The following TMEM132B variants were observed in gnomAD, a reference collection of about 807,000 sequenced individuals.
The protein encoded by TMEM132B is transmembrane protein 132B.
TMEM132B carries 18 observed loss-of-function variants against 90.8 expected under a neutral mutation model. The ratio of observed to expected loss-of-function variants is 0.20; its 90% confidence interval spans 0.14 to 0.29. TMEM132B has a LOEUF of 0.29. TMEM132B is among the 10% of genes least tolerant of loss of function. The pLI, the probability that TMEM132B is intolerant of heterozygous loss-of-function variation, is 1.00. For missense variants in TMEM132B, 1,096 were observed against 1,326.8 expected (o/e 0.83, Z 2.70); for synonymous variants, 504 against 523.3 (o/e 0.96, Z 0.50).
intron 2 of TMEM132B, among the ~76,000 whole-genome samples, chr12:125,367,707 C>T (rs1038609687): frequency 1.3e-5 from 2 of 152,154 alleles, no homozygotes; most frequent in African/African-American, 4.8e-5. Flanking sequence ...TATGGACTCC[C>T]CTCCATGATC....
chr12:125,628,906 G>A (rs1469381401), intron 5 of TMEM132B, among the ~76,000 whole-genome samples: 2 of 152,094 alleles, frequency 1.3e-5, no homozygotes, highest in Non-Finnish European at 2.9e-5. Context: ...TGAAGAGACT[G>A]CTTTTTCCCC....
At chr12:125,525,052 C>T (rs530175258) in intron 4 of TMEM132B, among the ~76,000 whole-genome samples, 9 of 151,902 alleles carry the variant, frequency 5.9e-5, no homozygotes, top group South Asian at 2.1e-4. Context: ...AGAGCATGGG[C>T]GCTTAGAGGG....
chr12:125,446,957 G>A (rs1332913025), intron 3 of TMEM132B, among the ~76,000 whole-genome samples: 1 of 152,128 alleles, frequency 6.6e-6, no homozygotes, highest in African/African-American at 2.4e-5. Flanking sequence ...ATCTTTTGTT[G>A]CTTTGAAGTG....
At chr12:125,567,280 C>A (rs985836062) in intron 4 of TMEM132B, among the ~76,000 whole-genome samples, 1 of 152,172 alleles carries the variant, frequency 6.6e-6, no homozygotes, top group African/African-American at 2.4e-5. Context: ...CTCTATATCT[C>A]TCTCTCGCTG....
In TMEM132B at chr12:125,243,120, TATACAC is replaced by T. The variant is rs1313267200; in HGVS notation, c.67+56256_67+56261del. Among the ~76,000 whole-genome samples, 4 of 141,996 alleles carry T rather than the reference TATACAC, an allele frequency of 2.8e-5. No individual in the cohort carries two copies. The East Asian group carries it at 8.3e-4, about 29-fold the overall frequency. The allele number at this position is 141,996 out of a possible 152,430, so 93.2% of individuals were successfully genotyped here. A position where few individuals can be genotyped will look rare whatever the true frequency, so the allele number is the denominator to read the frequency against. ...ACATATATATATACACATATATATA[TATACAC>T]ACACACACACATATATATATATATA... On this transcript the variant is annotated intron_variant, in intron 1 of 8. Transcript: ENST00000682704.
chr12:125,418,478 C>T (rs1209247612), intron 3 of TMEM132B, among the ~76,000 whole-genome samples: 1 of 152,158 alleles, frequency 6.6e-6, no homozygotes, highest in African/African-American at 2.4e-5. Context: ...TCGCAAAATC[C>T]ATTCCATCAT....
At chr12:125,526,047 G>A (rs1883447330) in intron 4 of TMEM132B, among the ~76,000 whole-genome samples, 1 of 152,176 alleles carries the variant, frequency 6.6e-6, no homozygotes, top group Non-Finnish European at 1.5e-5. Flanking sequence ...AGGTGTCACT[G>A]TGAGAGGAGC....
intron 2 of TMEM132B, among the ~76,000 whole-genome samples, chr12:125,379,947 A>G (rs1049329824): frequency 2.0e-5 from 3 of 151,620 alleles, no homozygotes; most frequent in Non-Finnish European, 2.9e-5. Context: ...GTGAACTTCT[A>G]TTTTGCTCCT....
In TMEM132B at chr12:125,652,375, C is replaced by A. The variant is rs192033056; in HGVS notation, c.1915-66C>A. 1.1e-4 allele frequency: 154 copies of A among 1,447,134 alleles called. No homozygotes were observed. The African/African-American group carries it at 2.0e-3, about 19-fold the overall frequency. The allele number at this position is 1,447,134 out of a possible 1,614,324, so 89.6% of individuals were successfully genotyped here. ...CTGGGAGAGCACTTTGTTGGGAGCC[C>A]CAGTTAAGGGATTCATGGTGCTCAT... is the stretch of plus-strand genomic sequence containing the variant. On this transcript the variant is annotated intron_variant, in intron 7 of 8. Coordinates refer to ENST00000682704, the MANE Select transcript of TMEM132B (RefSeq NM_001366854.1).
At chr12:125,412,323 G>T (rs1337392944) in intron 2 of TMEM132B, among the ~76,000 whole-genome samples, 1 of 152,234 alleles carries the variant, frequency 6.6e-6, no homozygotes, top group Non-Finnish European at 1.5e-5. Flanking sequence ...CTCTAAGACT[G>T]AAGGGAGAGG....
chr12:125,411,277 G>A (rs911119432), intron 2 of TMEM132B, among the ~76,000 whole-genome samples: 5 of 150,620 alleles, frequency 3.3e-5, no homozygotes, highest in African/African-American at 4.9e-5. Context: ...ACCAAACACC[G>A]CGTGTTCTCA....
intron 3 of TMEM132B, among the ~76,000 whole-genome samples, chr12:125,419,403 A>C (rs1395725515): frequency 6.6e-6 from 1 of 152,208 alleles, no homozygotes; most frequent in Non-Finnish European, 1.5e-5. Flanking sequence ...ATAAGGAGCA[A>C]AGTCACATCT....
chr12:125,306,889 A>G (rs1281722458), intron 1 of TMEM132B, among the ~76,000 whole-genome samples: 1 of 152,196 alleles, frequency 6.6e-6, no homozygotes, highest in South Asian at 2.1e-4. Flanking sequence ...CATTACCTCT[A>G]TGACTTCCTG....
intron 2 of TMEM132B, among the ~76,000 whole-genome samples, chr12:125,390,876 C>CT (rs1267015367): frequency 6.6e-6 from 1 of 152,128 alleles, no homozygotes; most frequent in East Asian, 1.9e-4. Flanking sequence ...ATTCTTGAAA[C>CT]TTTAAGAGGA....
intron 5 of TMEM132B, among the ~76,000 whole-genome samples, chr12:125,612,119 C>T (rs61103301): frequency 0.011 from 1,721 of 152,140 alleles, 29 homozygotes; most frequent in African/African-American, 0.039. Flanking sequence ...ATTGTTATTT[C>T]TTCCTAATAT....
In TMEM132B at chr12:125,497,822, G is replaced by C. The variant is rs150581136; in HGVS notation, c.1107-21617G>C. 2.8e-3 allele frequency among the ~76,000 whole-genome samples: 423 copies of C among 152,276 alleles called. 1 individual carries two copies. Among genetic ancestry groups the C allele is most frequent in the African/African-American group, 1.0e-2 (414 of 41,556 alleles). ...GTAATCATTTCAAGTAAGAGTTCCCGCTCAGCAGGTGGCCAGGAGTTGGGG... is the reference window on the plus strand; with the variant it reads ...GTAATCATTTCAAGTAAGAGTTCCCCCTCAGCAGGTGGCCAGGAGTTGGGG... On this transcript the variant is annotated intron_variant, in intron 3 of 8. Transcript: ENST00000682704.
intron 3 of TMEM132B, among the ~76,000 whole-genome samples, chr12:125,515,540 C>G (rs1041593771): frequency 2.0e-5 from 3 of 151,536 alleles, no homozygotes; most frequent in Non-Finnish European, 2.9e-5. Flanking sequence ...TTCTCACGCT[C>G]ACACACATTC....
In TMEM132B at chr12:125,238,934, G is replaced by A. The variant is rs892909305; in HGVS notation, c.67+52068G>A. ...ACACCAACCCAGTCTCTGATGTGGCGCCTGGAATAGAAGATGAAAGATGTC... is the reference window on the plus strand; with the variant it reads ...ACACCAACCCAGTCTCTGATGTGGCACCTGGAATAGAAGATGAAAGATGTC... On this transcript the variant is annotated intron_variant, in intron 1 of 8. Transcript: ENST00000682704. Among the ~76,000 whole-genome samples, 10 of 152,128 alleles carry A rather than the reference G, an allele frequency of 6.6e-5. 1 individual carries two copies. The highest frequency in any genetic ancestry group is 1.9e-4 in the African/African-American group (8 of 41,422).
intron 4 of TMEM132B, among the ~76,000 whole-genome samples, chr12:125,534,806 ATCCAAT>A (rs1295228575): frequency 3.9e-5 from 6 of 152,248 alleles, no homozygotes; most frequent in African/African-American, 1.4e-4. Context: ...ACCTGAAGCT[ATCCAAT>A]ATGGTAGCCA....
Sources: gnomAD v4.1 joint callset for allele counts (sites outside exome capture counted in the v4.1 genomes callset) on GRCh38, gnomAD v4.1.1 for gene constraint, MANE v1.5 for transcripts, NCBI Gene and HGNC (gene_info 2026-07-23, HGNC 2026-07-21) for gene names.